Variants in BRINP2 observed in about 807,000 individuals in gnomAD.
BRINP2 encodes BMP/retinoic acid-inducible neural-specific protein 2.
BRINP2 carries 21 observed loss-of-function variants against 69.2 expected under a neutral mutation model. The ratio of observed to expected loss-of-function variants is 0.30; its 90% confidence interval spans 0.22 to 0.44. BRINP2 has a LOEUF of 0.44. Ranked by LOEUF, BRINP2 falls within the 20% of genes least tolerant of loss-of-function variation. The probability of loss-of-function intolerance (pLI) is 1.00; values close to 1 mark genes in which losing one functional copy is unlikely to be tolerated. For missense variants in BRINP2, 877 were observed against 986.0 expected (o/e 0.89, Z 1.48); for synonymous variants, 380 against 394.1 (o/e 0.96, Z 0.42).
intron 2 of BRINP2, among the ~76,000 whole-genome samples, 174 bp downstream of exon 2, chr1:177,230,319 A>G (rs903656798): frequency 6.7e-6 from 1 of 148,244 alleles, no homozygotes; most frequent in Non-Finnish European, 1.5e-5. Flanking sequence ...TTAGTTTTTA[A>G]AAAAAGAAAG....
intron 1 of BRINP2, among the ~76,000 whole-genome samples, chr1:177,185,898 A>G (rs1648411769): frequency 6.6e-6 from 1 of 152,196 alleles, no homozygotes; most frequent in African/African-American, 2.4e-5. Flanking sequence ...CCTGTTCAGG[A>G]GCTATGCTGT....
At chr1:177,193,682 G>A (rs1213708405) in intron 1 of BRINP2, among the ~76,000 whole-genome samples, 1 of 152,206 alleles carries the variant, frequency 6.6e-6, no homozygotes, top group African/African-American at 2.4e-5. Flanking sequence ...TCCTCAGGTA[G>A]AATTTAACAG....
chr1:177,181,285 T>A (rs1417745505), intron 1 of BRINP2, among the ~76,000 whole-genome samples: 1 of 150,570 alleles, frequency 6.6e-6, no homozygotes, highest in Non-Finnish European at 1.5e-5. Flanking sequence ...ACTCCTCAGT[T>A]GTGATTTTTT....
At chr1:177,256,170 C>T (rs1650749060) in intron 3 of BRINP2, 61 bp downstream of exon 3, 1 of 1,566,594 alleles carries the variant, frequency 6.4e-7, no homozygotes, top group Non-Finnish European at 8.7e-7. Flanking sequence ...AACGTTAAGA[C>T]TCGTGTAGCG....
At chr1:177,177,540 T>C (rs1309254090) in intron 1 of BRINP2, among the ~76,000 whole-genome samples, 1 of 152,202 alleles carries the variant, frequency 6.6e-6, no homozygotes, top group Non-Finnish European at 1.5e-5. Flanking sequence ...CCCTGTGGGA[T>C]GGTTATTAAC....
chr1:177,179,598 C>CA (rs1372237994), intron 1 of BRINP2, among the ~76,000 whole-genome samples: 1 of 152,170 alleles, frequency 6.6e-6, no homozygotes, highest in East Asian at 1.9e-4. Flanking sequence ...CACACACACA[C>CA]TCTTTCTCTC....
chr1:177,276,002 T>TC (rs745893659), intron 5 of BRINP2, among the ~76,000 whole-genome samples, 196 bp from the exon 6 acceptor site: 2 of 152,202 alleles, frequency 1.3e-5, no homozygotes, highest in African/African-American at 2.4e-5. Context: ...TTTCAGATCC[T>TC]CCCCCATCTG....
At chr1:177,174,097 G>A (rs969914788) in intron 1 of BRINP2, among the ~76,000 whole-genome samples, 3 of 152,130 alleles carry the variant, frequency 2.0e-5, no homozygotes, top group African/African-American at 4.8e-5. Flanking sequence ...ACCCTAAGAA[G>A]TAAAGCTAAA....
At chr1:177,269,940 AGTGAACTGCACTC>A (rs1651250346) in intron 4 of BRINP2, among the ~76,000 whole-genome samples, 9 of 152,198 alleles carry the variant, frequency 5.9e-5, no homozygotes, top group African/African-American at 1.9e-4. Flanking sequence ...TGTGTGCCTG[AGTGAACTGCACTC>A]TCCATTACCT....
In BRINP2 at chr1:177,179,877, G is replaced by A. The variant is rs148664875; in HGVS notation, c.-77+8145G>A. 8.9e-3 allele frequency among the ~76,000 whole-genome samples: 1,357 copies of A among 152,226 alleles called. 15 individuals carry two copies. Among genetic ancestry groups the A allele is most frequent in the Middle Eastern group, 0.02 (6 of 294 alleles). On this transcript the variant is annotated intron_variant, in intron 1 of 7. Coordinates refer to ENST00000361539, the MANE Select transcript of BRINP2 (RefSeq NM_021165.4). Reference sequence around the variant, plus strand: ...CTGGCAGTGTTCTGTTTCTTGACCCGAGGGCAAGTTTGCTCTACAATTTTA... The same window carrying A: ...CTGGCAGTGTTCTGTTTCTTGACCCAAGGGCAAGTTTGCTCTACAATTTTA...
At chr1:177,277,329 T>A (rs1053842443) in intron 6 of BRINP2, among the ~76,000 whole-genome samples, 2 of 151,792 alleles carry the variant, frequency 1.3e-5, no homozygotes, top group East Asian at 1.9e-4. Flanking sequence ...AAAGAAGACA[T>A]CAAGAGAGTG....
rs1651733699 is a variant in BRINP2 at position 177,282,378 on chromosome 1, C to T, written c.*850C>T. The T allele has an allele frequency of 6.6e-6, 1 of 151,896 alleles. No homozygotes were observed. Among genetic ancestry groups the T allele is most frequent in the African/African-American group, 2.4e-5 (1 of 41,336 alleles). The allele number at this position is 151,896 out of a possible 1,614,324, so 9.4% of individuals were successfully genotyped here. On this transcript the variant is annotated 3_prime_UTR_variant, in exon 8 of 8. Transcript: ENST00000361539. ...TGATTGTTTTCCTTGTTAATCTGCT[C>T]CAACCACCTGAACATCTAAGTAAAC...
rs1218128208 is a variant in BRINP2, at chr1:177,276,248, G to A, written c.826G>A (p.Ala276Thr). 6.2e-7 allele frequency: 1 copy of A among 1,614,184 alleles called. No individual in the cohort carries two copies. The highest frequency in any genetic ancestry group is 8.5e-7 in the Non-Finnish European group (1 of 1,180,036). The change falls in exon 6 of 8, where the codon GCA becomes ACA. Residue 276 changes from alanine (A) to threonine (T), a missense_variant. Ala to Thr is a moderately conservative substitution (Grantham distance 58, BLOSUM62 0). Around this residue, in one of 3 missense-constraint regions of BRINP2, gnomAD observed 566 missense variants for 625.2 expected, o/e 0.91. Transcript: ENST00000361539. ...TCTGCGTGAGCGCTTTGTAGCTGCA[G>A]CACTCAGCTACATCACATGCAGCTC... Reference protein sequence around the residue: ...EYLRERFVAAALSYITCSSEG... With the variant: ...EYLRERFVAATLSYITCSSEG...
At chr1:177,257,478 C>T (rs1370826069) in intron 4 of BRINP2, 94 bp downstream of exon 4, 4 of 1,201,056 alleles carry the variant, frequency 3.3e-6, no homozygotes, top group African/African-American at 1.5e-5. Context: ...TCAGCTGGGC[C>T]GACTGATGGA....
intron 1 of BRINP2, among the ~76,000 whole-genome samples, chr1:177,178,924 T>C (rs1456702843): frequency 6.6e-6 from 1 of 152,158 alleles, no homozygotes; most frequent in Non-Finnish European, 1.5e-5. Flanking sequence ...AGCTAACACC[T>C]TAATAGTACT....
At chr1:177,242,093 A>C (rs2102334182) in intron 2 of BRINP2, among the ~76,000 whole-genome samples, 1 of 152,304 alleles carries the variant, frequency 6.6e-6, no homozygotes, top group African/African-American at 2.4e-5. Flanking sequence ...ATGAACAGCC[A>C]CCTGGCTACT....
At chr1:177,183,024 GC>G in intron 1 of BRINP2, among the ~76,000 whole-genome samples, 1 of 149,422 alleles carries the variant, frequency 6.7e-6, no homozygotes, top group East Asian at 2.0e-4. Context: ...AGGGCAGCAT[GC>G]AAATGCTGTA....
Position 177,229,828 on chromosome 1 carries a change from G to A in BRINP2, c.-49G>A. On this transcript the variant is annotated 5_prime_UTR_variant, in exon 2 of 8. Transcript: ENST00000361539. ...CCGAGCCCTGGAGGAGCAGCACGGA[G>A]CGGGAGAGCGTGGCGAGAGAATGAA... 1.3e-6 allele frequency: 2 copies of A among 1,539,096 alleles called. No homozygotes were observed. Among genetic ancestry groups the A allele is most frequent in the Non-Finnish European group, 1.8e-6 (2 of 1,138,558 alleles).
intron 2 of BRINP2, among the ~76,000 whole-genome samples, chr1:177,238,605 G>A (rs1053762352): frequency 1.3e-5 from 2 of 152,102 alleles, no homozygotes; most frequent in East Asian, 1.9e-4. Flanking sequence ...GTGAGCTGGG[G>A]TCTCAATCCA....
Sources: gnomAD v4.1 joint callset for allele counts (sites outside exome capture counted in the v4.1 genomes callset) on GRCh38, gnomAD v4.1.1 for gene constraint, gnomAD v4.1.1 regional missense constraint, MANE v1.5 for transcripts, NCBI Gene and HGNC (gene_info 2026-07-23, HGNC 2026-07-21) for gene names.